KIF1B: variants seen among roughly 807,000 people sequenced by gnomAD.
KIF1B encodes kinesin-like protein KIF1B.
In KIF1B, 76 loss-of-function variants were observed where a neutral mutation model predicts 241.9. That is an observed-to-expected ratio of 0.31 (90% CI 0.26 to 0.38). KIF1B has a LOEUF of 0.38. Ranked by LOEUF, KIF1B falls within the 10% of genes least tolerant of loss-of-function variation. The pLI is 1.00. For missense variants in KIF1B, 1,622 were observed against 2,271.4 expected, an observed-to-expected ratio of 0.71 and a Z score of 5.81; for synonymous variants, 750 against 796.7, an observed-to-expected ratio of 0.94 and a Z score of 0.99.
chr1:10,305,954 T>G, intron 22 of KIF1B: 1 of 1,053,984 alleles, frequency 9.5e-7, no homozygotes, highest in Non-Finnish European at 1.1e-6. Flanking sequence ...TATCAAACAC[T>G]TGTCTTCCAA....
chr1:10,369,109 C>T (rs181879410), intron 44 of KIF1B, among the ~76,000 whole-genome samples: 10 of 152,258 alleles, frequency 6.6e-5, no homozygotes, highest in Middle Eastern at 3.4e-3. Context: ...TCCTGTGAGT[C>T]GACTCTGTTA....
At chr1:10,257,183 C>T (rs1318275658) in intron 3 of KIF1B, among the ~76,000 whole-genome samples, 5 of 151,398 alleles carry the variant, frequency 3.3e-5, no homozygotes, top group African/African-American at 1.2e-4. Context: ...CTGCCTCGAC[C>T]TCTCAAAGTG....
intron 43 of KIF1B, among the ~76,000 whole-genome samples, chr1:10,366,025 G>A (rs911917344): frequency 3.9e-5 from 6 of 152,160 alleles, no homozygotes; most frequent in Non-Finnish European, 8.8e-5. Context: ...GAGGTCTGGA[G>A]TTCGAGACCA....
chr1:10,262,043 A>C, intron 5 of KIF1B, 73 bp downstream of exon 5: 1 of 991,222 alleles, frequency 1.0e-6, no homozygotes, highest in Non-Finnish European at 1.6e-6. Flanking sequence ...AATGGCTCCA[A>C]ATTATGACTG....
At chr1:10,372,365 A>G (rs962191532) in intron 45 of KIF1B, among the ~76,000 whole-genome samples, 1 of 151,878 alleles carries the variant, frequency 6.6e-6, no homozygotes, top group African/African-American at 2.4e-5. Flanking sequence ...GGAGACCCCC[A>G]TCTCTACAAA....
In KIF1B at chr1:10,310,530, C is replaced by G. The variant is rs912853096; in HGVS notation, c.2116-9513C>G. Among the ~76,000 whole-genome samples the G allele has an allele frequency of 1.3e-4, 19 of 151,698 alleles. 1 individual carries two copies. Among genetic ancestry groups the G allele is most frequent in the Non-Finnish European group, 7.3e-5 (5 of 68,048 alleles). ...GAAATGAACAAGGGTGGCCGTGTTC[C>G]AGTCAAACTGTGTTTACAGAAACAG... On this transcript the variant is annotated intron_variant, in intron 22 of 48. Transcript: ENST00000676179.
At chr1:10,258,931 T>C (rs928142433) in intron 4 of KIF1B, among the ~76,000 whole-genome samples, 4 of 152,236 alleles carry the variant, frequency 2.6e-5, no homozygotes, top group Admixed American at 1.3e-4. Context: ...CATATTATTT[T>C]GTCATTTGAA....
chr1:10,214,782 C>T (rs983521415), intron 1 of KIF1B, among the ~76,000 whole-genome samples: 1 of 151,808 alleles, frequency 6.6e-6, no homozygotes, highest in East Asian at 1.9e-4. Flanking sequence ...GGGGTTTCAC[C>T]GTATTGGCCA....
chr1:10,273,039 G>A lies in KIF1B; in HGVS notation c.882+8G>A. 2.6e-6 allele frequency: 4 copies of A among 1,542,666 alleles called. No individual in the cohort carries two copies. Among genetic ancestry groups the A allele is most frequent in the Middle Eastern group, 1.7e-4 (1 of 5,980 alleles). On this transcript the variant is annotated splice_region_variant and intron_variant, in intron 10 of 48. Transcript: ENST00000676179. Reference sequence around the variant, plus strand: ...GATAACTGCACTAGCAAGGTACAGTGGGGATTGGTAGAGATAAACTAGAAT... The same window carrying A: ...GATAACTGCACTAGCAAGGTACAGTAGGGATTGGTAGAGATAAACTAGAAT...
chr1:10,244,652 G>A (rs1490013065), intron 2 of KIF1B, among the ~76,000 whole-genome samples: 73 of 138,582 alleles, frequency 5.3e-4, no homozygotes, highest in Middle Eastern at 3.6e-3. Flanking sequence ...TTGCTCTGTC[G>A]CCCAGGCTGG....
intron 17 of KIF1B, 67 bp downstream of exon 17, chr1:10,292,189 A>G: frequency 8.2e-7 from 1 of 1,217,542 alleles, no homozygotes; most frequent in African/African-American, 1.5e-5. Flanking sequence ...TTACTGGGGC[A>G]CTTCATGTCT....
intron 27 of KIF1B, among the ~76,000 whole-genome samples, chr1:10,332,717 G>A (rs537602517): frequency 2.0e-5 from 3 of 150,888 alleles, no homozygotes; most frequent in South Asian, 2.1e-4. Flanking sequence ...GAGTTTCACC[G>A]TGTTAGCCAG....
In KIF1B at chr1:10,349,808, C is replaced by T. The variant is rs558624851; in HGVS notation, c.3949+1075C>T. Among the ~76,000 whole-genome samples, 8 of 152,204 alleles carry T rather than the reference C, an allele frequency of 5.3e-5. 2 individuals are homozygous for T. Among genetic ancestry groups the T allele is most frequent in the African/African-American group, 1.9e-4 (8 of 41,550 alleles). On this transcript the variant is annotated intron_variant, in intron 37 of 48. Transcript: ENST00000676179. ...TTGGAACTTTTGTTGCCATGGACCT[C>T]TTTGGCAGTAACGAAGCCTTAGAAT...
At chr1:10,335,325 TCA>T (rs1265804141) in intron 28 of KIF1B, among the ~76,000 whole-genome samples, 3 of 152,180 alleles carry the variant, frequency 2.0e-5, no homozygotes, top group Non-Finnish European at 4.4e-5. Context: ...CAATCTCAAC[TCA>T]CTGCAATCTC....
chr1:10,244,532 G>C (rs1296274977), intron 2 of KIF1B, among the ~76,000 whole-genome samples: 4 of 151,192 alleles, frequency 2.6e-5, no homozygotes, highest in Non-Finnish European at 5.9e-5. Flanking sequence ...GGCTGGTCTC[G>C]AACTTCTGAC....
In KIF1B at chr1:10,380,106, TA is replaced by T; in HGVS notation, c.*3524del. ...TCATTGTGAACTGTCTCTTGAGATC[TA>T]AAAACAAGATGACTTTTCCTGGCAC... On this transcript the variant is annotated 3_prime_UTR_variant, in exon 49 of 49. Coordinates refer to ENST00000676179, the MANE Select transcript of KIF1B (RefSeq NM_001365951.3). The T allele has an allele frequency of 4.4e-6, 1 of 227,134 alleles. No individual in the cohort carries two copies. The highest frequency in any genetic ancestry group is 8.8e-6 in the Non-Finnish European group (1 of 114,000). The allele number at this position is 227,134 out of a possible 1,614,324, so 14.1% of individuals were successfully genotyped here.
rs752815396 is a variant in KIF1B, at chr1:10,214,585, GC to G, written c.-80+3710del. The stretch of plus-strand genomic sequence containing the variant: ...TTACAGGCATGAGCCACCGTGCCCT[GC>G]CCTTTTTTTTTTTTGGGATGGAGTC... On this transcript the variant is annotated intron_variant, in intron 1 of 48. Transcript: ENST00000676179. Among the ~76,000 whole-genome samples, 72 of 142,238 alleles carry G rather than the reference GC, an allele frequency of 5.1e-4. 5 individuals are homozygous for G. The highest frequency in any genetic ancestry group is 4.3e-4 in the Non-Finnish European group (28 of 65,726). 93.3% of individuals were successfully genotyped at this position (142,238 alleles called of 152,430 possible).
In KIF1B at chr1:10,274,577, C is replaced by T. The variant is rs141262833; in HGVS notation, c.883-851C>T. On this transcript the variant is annotated intron_variant, in intron 10 of 48. Coordinates refer to ENST00000676179, the MANE Select transcript of KIF1B (RefSeq NM_001365951.3). ...AAGAGACCAAATAAATATTATTTTA[C>T]AAGAGTTACTAGATTTGCAACAACC... Among the ~76,000 whole-genome samples the T allele has an allele frequency of 1.3e-4, 20 of 152,176 alleles. No homozygotes were observed. The East Asian group carries it at 2.7e-3, about 21-fold the overall frequency.
Position 10,320,153 on chromosome 1 carries a change from G to T in KIF1B, c.2209+17G>T. The T allele has an allele frequency of 6.5e-7, 1 of 1,538,198 alleles. No homozygotes were observed. ...AGGAAGAAGGTGAAATCTAGAGACC[G>T]AAAGTTTCCTGTGTATATCTTTTTG... On this transcript the variant is annotated intron_variant, in intron 23 of 48. Coordinates refer to ENST00000676179, the MANE Select transcript of KIF1B (RefSeq NM_001365951.3).
Sources: gnomAD v4.1 joint callset for allele counts (sites outside exome capture counted in the v4.1 genomes callset) on GRCh38, gnomAD v4.1.1 for gene constraint, MANE v1.5 for transcripts, NCBI Gene and HGNC (gene_info 2026-07-23, HGNC 2026-07-21) for gene names.